The following DRC11 variants were observed in gnomAD, a reference collection of about 807,000 sequenced individuals.
DRC11 encodes IQ and AAA domain-containing protein 1.
chr2:236,475,964 G>T, the DRC11 span, among the ~76,000 whole-genome samples: 1 of 152,066 alleles, frequency 6.6e-6, no homozygotes, highest in Non-Finnish European at 1.5e-5. This position sits in a 1 kb window ranked among gnomAD's most constrained non-coding sequence, Gnocchi z 4.8. Flanking sequence ...TGCTGTTTTG[G>T]TTACTACCGT....
chr2:236,408,018 C>A, the DRC11 span: 1 of 561,340 alleles, frequency 1.8e-6, no homozygotes, highest in Non-Finnish European at 3.5e-6. This position sits in a 1 kb window ranked among gnomAD's most constrained non-coding sequence, Gnocchi z 5.5. Flanking sequence ...TCTCAGCCAG[C>A]AAAGACTTGT....
the DRC11 span, among the ~76,000 whole-genome samples, chr2:236,409,393 G>T: frequency 2.6e-5 from 4 of 152,102 alleles, no homozygotes; most frequent in Admixed American, 2.6e-4. Flanking sequence ...GTTCACTCAT[G>T]ATTTGGCTCT....
the DRC11 span, among the ~76,000 whole-genome samples, chr2:236,460,520 A>G: frequency 3.3e-5 from 5 of 152,278 alleles, no homozygotes; most frequent in South Asian, 1.0e-3. The surrounding 1 kb of genome is among the most constrained non-coding windows in gnomAD (Gnocchi z 4.0). Context: ...TGTTTCTAAA[A>G]TCAGGGTGTC....
At chr2:236,431,614 G>A in the DRC11 span, among the ~76,000 whole-genome samples, 1 of 152,154 alleles carries the variant, frequency 6.6e-6, no homozygotes, top group South Asian at 2.1e-4. This position sits in a 1 kb window ranked among gnomAD's most constrained non-coding sequence, Gnocchi z 4.2. Context: ...TACTTTCTGT[G>A]TCTACAGGTT....
the DRC11 span, among the ~76,000 whole-genome samples, chr2:236,358,099 TG>T: frequency 8.3e-6 from 1 of 120,350 alleles, no homozygotes; most frequent in Non-Finnish European, 1.6e-5. Context: ...ATATACCATA[TG>T]AATATATATT....
chr2:236,507,201 A>T, the DRC11 span: 1 of 1,587,662 alleles, frequency 6.3e-7, no homozygotes, highest in Non-Finnish European at 8.6e-7. Flanking sequence ...AAAGCAAGCC[A>T]CCTTCTGGCT....
the DRC11 span, among the ~76,000 whole-genome samples, chr2:236,345,219 G>A: frequency 6.6e-6 from 1 of 152,060 alleles, no homozygotes; most frequent in Non-Finnish European, 1.5e-5. Flanking sequence ...TGCTCTCCCC[G>A]TGCGGCTCAT....
the DRC11 span, among the ~76,000 whole-genome samples, chr2:236,450,471 C>G: frequency 6.6e-6 from 1 of 151,644 alleles, no homozygotes; most frequent in Non-Finnish European, 1.5e-5. Flanking sequence ...AGGTGTGCAC[C>G]ACCACACCCA....
At chr2:236,465,537 T>C in the DRC11 span, 3 of 1,614,018 alleles carry the variant, frequency 1.9e-6, no homozygotes, top group Non-Finnish European at 2.5e-6. The surrounding 1 kb of genome is among the most constrained non-coding windows in gnomAD (Gnocchi z 6.2). Context: ...GGATCTGGTC[T>C]TGAAGGTTCT....
chr2:236,357,789 T>G, the DRC11 span, among the ~76,000 whole-genome samples: 1 of 124,900 alleles, frequency 8.0e-6, no homozygotes, highest in African/African-American at 3.2e-5. Flanking sequence ...ATGTTATATA[T>G]ACATATACTA....
the DRC11 span, among the ~76,000 whole-genome samples, chr2:236,397,073 G>A: frequency 3.3e-5 from 5 of 152,254 alleles, no homozygotes; most frequent in East Asian, 1.9e-4. This position sits in a 1 kb window ranked among gnomAD's most constrained non-coding sequence, Gnocchi z 5.0. Flanking sequence ...CATGAGTGCC[G>A]GAGGTGGAGC....
At chr2:236,447,901 T>C in the DRC11 span, among the ~76,000 whole-genome samples, 3,292 of 149,034 alleles carry the variant, frequency 0.022, 126 homozygotes, top group African/African-American at 0.077. The surrounding 1 kb of genome is among the most constrained non-coding windows in gnomAD (Gnocchi z 4.6). Context: ...TGGGGGAGGG[T>C]GGATTCAGGA....
chr2:236,463,107 G>A, the DRC11 span, among the ~76,000 whole-genome samples: 1 of 152,074 alleles, frequency 6.6e-6, no homozygotes, highest in South Asian at 2.1e-4. The surrounding 1 kb of genome is among the most constrained non-coding windows in gnomAD (Gnocchi z 5.0). Flanking sequence ...AAGAACGAAA[G>A]CATTGGCATT....
chr2:236,341,944 TC>T, the DRC11 span, among the ~76,000 whole-genome samples: 2 of 151,968 alleles, frequency 1.3e-5, 1 homozygote, highest in South Asian at 4.2e-4. Flanking sequence ...TCAACTGATG[TC>T]CCCCACCGCC....
chr2:236,450,314 C>CTTTTTTTTTTTTTTTTTTTTTTT, the DRC11 span, among the ~76,000 whole-genome samples: 3 of 82,378 alleles, frequency 3.6e-5, no homozygotes, highest in Non-Finnish European at 7.0e-5. Context: ...CTTTTCTTTT[C>CTTTTTTTTTTTTTTTTTTTTTTT]TTTTTTTTTT....
At chr2:236,447,507 A>C in the DRC11 span, among the ~76,000 whole-genome samples, 1 of 147,908 alleles carries the variant, frequency 6.8e-6, no homozygotes, top group East Asian at 1.9e-4. This position sits in a 1 kb window ranked among gnomAD's most constrained non-coding sequence, Gnocchi z 4.6. Context: ...ACGTTTTAAG[A>C]GGATCACTCC....
At chr2:236,482,074 TATTATATGTATA>T in the DRC11 span, among the ~76,000 whole-genome samples, 4 of 149,788 alleles carry the variant, frequency 2.7e-5, no homozygotes, top group Admixed American at 2.7e-4. The surrounding 1 kb of genome is among the most constrained non-coding windows in gnomAD (Gnocchi z 4.5). Flanking sequence ...TAATTCTACA[TATTATATGTATA>T]ATTCTATGTA....
the DRC11 span, among the ~76,000 whole-genome samples, chr2:236,487,343 TC>T: frequency 6.6e-6 from 1 of 152,172 alleles, no homozygotes; most frequent in Admixed American, 6.5e-5. Context: ...TATCCATCCT[TC>T]CCCATCACCT....
chr2:236,382,945 C>T, the DRC11 span, among the ~76,000 whole-genome samples: 2 of 152,128 alleles, frequency 1.3e-5, no homozygotes, highest in Non-Finnish European at 2.9e-5. Flanking sequence ...ATACCTCTCA[C>T]ATAATTTTCC....
Sources: allele counts gnomAD v4.1 joint callset (sites outside exome capture counted in the v4.1 genomes callset), GRCh38; gene constraint gnomAD v4.1.1; non-coding constraint Gnocchi (gnomAD v3.1); transcripts MANE v1.5; gene names NCBI Gene and HGNC (gene_info 2026-07-23, HGNC 2026-07-21).